Variants in GAREM1 observed in about 807,000 individuals in gnomAD.
The protein encoded by GAREM1 is GRB2-associated and regulator of MAPK protein 1.
In GAREM1, 26 loss-of-function variants were observed where a neutral mutation model predicts 71.3. That is an observed-to-expected ratio of 0.36 (90% CI 0.27 to 0.51). The LOEUF is 0.51. Among genes scored for constraint, GAREM1 ranks in the 20% least tolerant of loss-of-function variants. The pLI, the probability that GAREM1 is intolerant of heterozygous loss-of-function variation, is 0.95. For missense variants in GAREM1, 1,026 were observed against 1,103.1 expected, an observed-to-expected ratio of 0.93 and a Z score of 0.99; for synonymous variants, 440 against 433.2, an observed-to-expected ratio of 1.02 and a Z score of -0.20.
At chr18:32,324,013 C>A (rs2047453088) in intron 2 of GAREM1, among the ~76,000 whole-genome samples, 1 of 151,140 alleles carries the variant, frequency 6.6e-6, no homozygotes, top group South Asian at 2.1e-4. Flanking sequence ...ATGACAGTTA[C>A]ACAAATAAAC....
chr18:32,339,621 A>C (rs915987577), intron 2 of GAREM1, among the ~76,000 whole-genome samples: 5 of 152,210 alleles, frequency 3.3e-5, no homozygotes, highest in Non-Finnish European at 7.3e-5. Flanking sequence ...TTCCTAGCCC[A>C]GACCACCTTA....
chr18:32,298,301 G>A (rs1323648855), intron 3 of GAREM1, among the ~76,000 whole-genome samples: 1 of 152,164 alleles, frequency 6.6e-6, no homozygotes, highest in Non-Finnish European at 1.5e-5. Context: ...CACTGCCAGT[G>A]ACAGATGAAA....
At chr18:32,355,372 G>A (rs1156309200) in intron 2 of GAREM1, among the ~76,000 whole-genome samples, 1 of 151,996 alleles carries the variant, frequency 6.6e-6, no homozygotes, top group Non-Finnish European at 1.5e-5. Context: ...TTTGTGAAAG[G>A]TTTTTTGCAT....
chr18:32,459,036 T>A (rs947193026), intron 1 of GAREM1, among the ~76,000 whole-genome samples: 17 of 152,098 alleles, frequency 1.1e-4, no homozygotes, highest in African/African-American at 3.9e-4. Context: ...AAATAATAGT[T>A]GACTGGTAAT....
At chr18:32,305,707 A>T (rs553240855) in intron 3 of GAREM1, among the ~76,000 whole-genome samples, 1 of 152,202 alleles carries the variant, frequency 6.6e-6, no homozygotes, top group Non-Finnish European at 1.5e-5. Flanking sequence ...TTTAGTACAG[A>T]CGGGGTTTCG....
intron 1 of GAREM1, among the ~76,000 whole-genome samples, chr18:32,458,699 A>G (rs564839032): frequency 6.6e-6 from 1 of 152,146 alleles, no homozygotes; most frequent in African/African-American, 2.4e-5. Flanking sequence ...ATTCACAAAC[A>G]AAATATGATA....
intron 1 of GAREM1, among the ~76,000 whole-genome samples, chr18:32,404,256 C>G (rs1162451546): frequency 6.6e-6 from 1 of 152,126 alleles, no homozygotes; most frequent in Non-Finnish European, 1.5e-5. Context: ...AAACCCAAAT[C>G]TCTATTAAAT....
In GAREM1 at chr18:32,287,688, G is replaced by T. The variant is rs1418775962; in HGVS notation, c.909C>A (p.Val303=). 1.9e-6 allele frequency: 3 copies of T among 1,614,188 alleles called. No individual in the cohort carries two copies. The African/African-American group carries it at 4.0e-5, about 22-fold the overall frequency. The part of the protein sequence containing the change: ...LPMHFPLHLT[V]PKFSLPEHLV... Reference sequence around the variant, plus strand: ...GGTGTTCTGGGAGGCTGAACTTGGGGACAGTCAAGTGCAAAGGAAAGTGCA... The same window carrying T: ...GGTGTTCTGGGAGGCTGAACTTGGGTACAGTCAAGTGCAAAGGAAAGTGCA... The change falls in exon 4 of 6, where the codon GTC becomes GTA. Residue 303 remains valine, a synonymous_variant. Coordinates refer to ENST00000269209, the MANE Select transcript of GAREM1 (RefSeq NM_001242409.2). The surrounding 1 kb of genome is among the most constrained non-coding windows in gnomAD (Gnocchi z 5.9).
chr18:32,413,147 G>C lies in GAREM1; in HGVS notation c.122-20112C>G, dbSNP rs1051059927. 6 of 1,549,342 alleles carry C rather than the reference G, an allele frequency of 3.9e-6. No individual in the cohort carries two copies. The African/African-American group carries it at 6.8e-5, about 18-fold the overall frequency. ...CAATGAAGAGCTTCCTCAGCTGTTC[G>C]GGCTCTTTAGGAGACTCTGACTTAG... On this transcript the variant is annotated intron_variant, in intron 1 of 5. Coordinates refer to ENST00000269209, the MANE Select transcript of GAREM1 (RefSeq NM_001242409.2).
chr18:32,461,425 G>A (rs1288936015), intron 1 of GAREM1, among the ~76,000 whole-genome samples: 1 of 152,166 alleles, frequency 6.6e-6, no homozygotes, highest in Non-Finnish European at 1.5e-5. Context: ...GCCAGGGGTG[G>A]TGGCTCATAC....
At chr18:32,411,469 T>C (rs1323508874) in intron 1 of GAREM1, among the ~76,000 whole-genome samples, 1 of 152,164 alleles carries the variant, frequency 6.6e-6, no homozygotes, top group African/African-American at 2.4e-5. Flanking sequence ...TTATATCAAA[T>C]ATATATTCTT....
chr18:32,303,267 G>A (rs1030929011), intron 3 of GAREM1, among the ~76,000 whole-genome samples: 1 of 152,170 alleles, frequency 6.6e-6, no homozygotes, highest in African/African-American at 2.4e-5. Context: ...TAATTTTAAT[G>A]TAGAAAGCTT....
At chr18:32,306,930 G>A (rs2047262124) in intron 3 of GAREM1, among the ~76,000 whole-genome samples, 2 of 151,948 alleles carry the variant, frequency 1.3e-5, no homozygotes, top group Non-Finnish European at 2.9e-5. Flanking sequence ...TAATCGATGG[G>A]GCCAATCAGG....
intron 2 of GAREM1, among the ~76,000 whole-genome samples, chr18:32,343,240 G>A (rs1195852587): frequency 6.6e-6 from 1 of 151,708 alleles, no homozygotes; most frequent in African/African-American, 2.4e-5. Context: ...TGGAAAGCGG[G>A]TGGAGAAAAA....
Position 32,384,686 on chromosome 18 carries a change from T to C in GAREM1, c.262+8209A>G, listed in dbSNP as rs142283812. Among the ~76,000 whole-genome samples the C allele has an allele frequency of 2.6e-5, 4 of 152,320 alleles. No individual in the cohort carries two copies. In the East Asian group the frequency reaches 7.7e-4, roughly 29 times the overall value. On this transcript the variant is annotated intron_variant, in intron 2 of 5. Transcript: ENST00000269209. ...CATACTATAATACATTGATTACAAATAACAAACTCACAATAATTCCCTAAT... is the reference window on the plus strand; with the variant it reads ...CATACTATAATACATTGATTACAAACAACAAACTCACAATAATTCCCTAAT...
chr18:32,456,687 A>C (rs2048892252), intron 1 of GAREM1, among the ~76,000 whole-genome samples: 1 of 152,200 alleles, frequency 6.6e-6, no homozygotes, highest in Admixed American at 6.5e-5. Context: ...GTTTTGGAGA[A>C]GTGAAACATA....
Position 32,264,062 on chromosome 18 carries a change from A to T in GAREM1, c.*3809T>A, listed in dbSNP as rs1385005417. 1 of 152,214 alleles carries T rather than the reference A, an allele frequency of 6.6e-6. No individual in the cohort carries two copies. The highest frequency in any genetic ancestry group is 2.4e-5 in the African/African-American group (1 of 41,464). The allele number at this position is 152,214 out of a possible 1,614,324, so 9.4% of individuals were successfully genotyped here. ...TAAAACACCAAGTTTTAAAGACTGAACAGTGTGATTTAACATGATGTAACC... is the reference window on the plus strand; with the variant it reads ...TAAAACACCAAGTTTTAAAGACTGATCAGTGTGATTTAACATGATGTAACC... On this transcript the variant is annotated 3_prime_UTR_variant, in exon 6 of 6. Coordinates refer to ENST00000269209, the MANE Select transcript of GAREM1 (RefSeq NM_001242409.2).
chr18:32,393,945 A>G (rs768596949), intron 1 of GAREM1, among the ~76,000 whole-genome samples: 14 of 152,230 alleles, frequency 9.2e-5, no homozygotes, highest in Non-Finnish European at 1.5e-4. Context: ...ATATTACAGT[A>G]ATTAAGTTAT....
At chr18:32,374,759 T>C (rs1326031106) in intron 2 of GAREM1, among the ~76,000 whole-genome samples, 1 of 152,212 alleles carries the variant, frequency 6.6e-6, no homozygotes, top group Non-Finnish European at 1.5e-5. Flanking sequence ...TGTTCAACCA[T>C]TTAGGTATCT....
Sources: allele counts gnomAD v4.1 joint callset (sites outside exome capture counted in the v4.1 genomes callset), GRCh38; gene constraint gnomAD v4.1.1; non-coding constraint Gnocchi (gnomAD v3.1); transcripts MANE v1.5; gene names NCBI Gene and HGNC (gene_info 2026-07-23, HGNC 2026-07-21).